B3GALT1: variants seen among roughly 807,000 people sequenced by gnomAD.
The protein encoded by B3GALT1 is beta-1,3-galactosyltransferase 1.
In B3GALT1, 10 loss-of-function variants were observed where a neutral mutation model predicts 23.2. That is an observed-to-expected ratio of 0.43 (90% CI 0.27 to 0.73). The LOEUF (loss-of-function observed/expected upper bound fraction) is 0.73, where lower values mean the gene tolerates loss of function less well. B3GALT1 is among the 30% of genes least tolerant of loss of function. The pLI is 0.21. For missense variants in B3GALT1, 299 were observed against 405.4 expected (o/e 0.74, Z 2.25); for synonymous variants, 156 against 141.5 (o/e 1.10, Z -0.73).
At chr2:167,328,007 T>G (rs1258396966) in intron 1 of B3GALT1, among the ~76,000 whole-genome samples, 1 of 152,242 alleles carries the variant, frequency 6.6e-6, no homozygotes, top group Non-Finnish European at 1.5e-5. Context: ...CTTCTGGTGA[T>G]GTGATGTATT....
intron 3 of B3GALT1, among the ~76,000 whole-genome samples, chr2:167,816,001 A>T (rs546288133): frequency 6.6e-6 from 1 of 152,222 alleles, no homozygotes; most frequent in Non-Finnish European, 1.5e-5. Flanking sequence ...TTGAATGTAG[A>T]TGCATTTTAT....
intron 4 of B3GALT1, among the ~76,000 whole-genome samples, chr2:167,842,174 A>T (rs1284477405): frequency 6.6e-6 from 1 of 152,234 alleles, no homozygotes; most frequent in Non-Finnish European, 1.5e-5. Flanking sequence ...AAAACAAAGC[A>T]AAATAGAAAC....
chr2:167,649,704 G>T (rs529676511), intron 3 of B3GALT1, among the ~76,000 whole-genome samples: 44 of 151,944 alleles, frequency 2.9e-4, no homozygotes, highest in Middle Eastern at 3.4e-3. Context: ...TTCTTAATTT[G>T]ATTTTTGATT....
intron 1 of B3GALT1, among the ~76,000 whole-genome samples, chr2:167,464,459 TAAG>T (rs1202596217): frequency 2.6e-5 from 4 of 152,100 alleles, no homozygotes; most frequent in African/African-American, 9.7e-5. Flanking sequence ...ACATTCCAAT[TAAG>T]AAGAAAAATA....
chr2:167,779,573 A>G (rs1167255370), intron 3 of B3GALT1, among the ~76,000 whole-genome samples: 2 of 152,224 alleles, frequency 1.3e-5, no homozygotes, highest in African/African-American at 2.4e-5. Flanking sequence ...TTTATTGATC[A>G]TAGCTACTAC....
chr2:167,681,791 A>G (rs1179302621), intron 3 of B3GALT1, among the ~76,000 whole-genome samples: 1 of 152,150 alleles, frequency 6.6e-6, no homozygotes, highest in Non-Finnish European at 1.5e-5. Context: ...TACAGCCAAG[A>G]TGCTCATGGC....
At chr2:167,559,207 AG>A (rs1341603837) in intron 2 of B3GALT1, among the ~76,000 whole-genome samples, 2 of 152,198 alleles carry the variant, frequency 1.3e-5, no homozygotes, top group African/African-American at 4.8e-5. Context: ...CATGGTCTGG[AG>A]TGGACCTCTA....
intron 4 of B3GALT1, among the ~76,000 whole-genome samples, chr2:167,856,651 A>T (rs1690005162): frequency 6.6e-6 from 1 of 152,192 alleles, no homozygotes; most frequent in South Asian, 2.1e-4. Flanking sequence ...ACACCAGGAA[A>T]GCTTGGACTG....
At chr2:167,323,436 T>TTAAA (rs4000959) in intron 1 of B3GALT1, among the ~76,000 whole-genome samples, 129,609 of 151,410 alleles carry the variant, frequency 0.86, 55,833 homozygotes, top group Middle Eastern at 0.92. Flanking sequence ...TAATGCATTA[T>TTAAA]TAAATAAATG....
intron 1 of B3GALT1, among the ~76,000 whole-genome samples, chr2:167,464,637 T>C (rs1402026544): frequency 6.6e-6 from 1 of 152,152 alleles, no homozygotes; most frequent in Non-Finnish European, 1.5e-5. Context: ...AAAACTCAGC[T>C]TTTCTGATTA....
At chr2:167,451,727 T>G (rs1382875338) in intron 1 of B3GALT1, among the ~76,000 whole-genome samples, 1 of 152,084 alleles carries the variant, frequency 6.6e-6, no homozygotes, top group Non-Finnish European at 1.5e-5. Flanking sequence ...TTAGGGAGGA[T>G]CAGGCAGTGG....
At chr2:167,835,964 G>A (rs1172462682) in intron 4 of B3GALT1, among the ~76,000 whole-genome samples, 1 of 151,872 alleles carries the variant, frequency 6.6e-6, no homozygotes, top group African/African-American at 2.4e-5. Context: ...TGCAGCTGAG[G>A]GTCCTGTCTG....
chr2:167,336,455 G>A (rs1463155321), intron 1 of B3GALT1, among the ~76,000 whole-genome samples: 1 of 152,150 alleles, frequency 6.6e-6, no homozygotes, highest in Admixed American at 6.5e-5. Flanking sequence ...GCAGCACTCT[G>A]AGCAGAGTGT....
chr2:167,387,913 C>T (rs367979265), intron 1 of B3GALT1, among the ~76,000 whole-genome samples: 7 of 152,038 alleles, frequency 4.6e-5, no homozygotes, highest in Admixed American at 6.6e-5. Context: ...TAGCATTGAA[C>T]GATATTTGAA....
At chr2:167,348,157 T>G (rs1261671393) in intron 1 of B3GALT1, among the ~76,000 whole-genome samples, 1 of 152,184 alleles carries the variant, frequency 6.6e-6, no homozygotes, top group Non-Finnish European at 1.5e-5. Flanking sequence ...TAACACATAT[T>G]CAGTAAAGGT....
chr2:167,862,240 C>A (rs1304627516), intron 4 of B3GALT1, among the ~76,000 whole-genome samples: 2 of 152,146 alleles, frequency 1.3e-5, no homozygotes, highest in African/African-American at 4.8e-5. Context: ...AGGCTGAAGG[C>A]CCAAGAAGAA....
At chr2:167,722,208 G>A (rs1687246201) in intron 3 of B3GALT1, among the ~76,000 whole-genome samples, 1 of 152,228 alleles carries the variant, frequency 6.6e-6, no homozygotes, top group Non-Finnish European at 1.5e-5. Flanking sequence ...GCACTGTAAT[G>A]TAAGTATAAA....
intron 3 of B3GALT1, among the ~76,000 whole-genome samples, chr2:167,718,150 T>A (rs1687179741): frequency 2.6e-5 from 4 of 152,170 alleles, no homozygotes; most frequent in Non-Finnish European, 5.9e-5. Flanking sequence ...TGAATCAAAC[T>A]GTGACCAAAT....
intron 2 of B3GALT1, among the ~76,000 whole-genome samples, chr2:167,643,044 G>A (rs1000942144): frequency 1.3e-5 from 2 of 152,140 alleles, no homozygotes; most frequent in Admixed American, 6.6e-5. Context: ...GCTTGGAGCT[G>A]CAGCTTACTT....
Sources: gnomAD v4.1 joint callset for allele counts (sites outside exome capture counted in the v4.1 genomes callset) on GRCh38, gnomAD v4.1.1 for gene constraint, MANE v1.5 for transcripts, NCBI Gene and HGNC (gene_info 2026-07-23, HGNC 2026-07-21) for gene names.